DGKB: variants seen among roughly 807,000 people sequenced by gnomAD.
The protein encoded by DGKB is diacylglycerol kinase beta.
A neutral mutation model predicts 114.3 loss-of-function variants in DGKB; 67 were observed. That is an observed-to-expected ratio of 0.59 (90% CI 0.48 to 0.72). DGKB has a LOEUF of 0.72. DGKB is among the 30% of genes least tolerant of loss of function. The pLI, the probability that DGKB is intolerant of heterozygous loss-of-function variation, is 0.00. For synonymous variants in DGKB, 398 were observed against 323.1 expected (o/e 1.23, Z -2.49); for missense variants, 907 against 975.2 (o/e 0.93, Z 0.93).
intron 21 of DGKB, among the ~76,000 whole-genome samples, chr7:14,457,181 A>G (rs1490394580): frequency 1.3e-5 from 2 of 151,550 alleles, no homozygotes; most frequent in East Asian, 1.9e-4. Flanking sequence ...TTAAAATAAT[A>G]TGATATCATA....
At chr7:14,874,394 T>C (rs1034827277) in intron 1 of DGKB, among the ~76,000 whole-genome samples, 6 of 152,070 alleles carry the variant, frequency 3.9e-5, no homozygotes, top group Non-Finnish European at 8.8e-5. Flanking sequence ...CATTTCAGAT[T>C]AATCCACTAA....
At chr7:14,652,398 G>T (rs914979683) in intron 13 of DGKB, among the ~76,000 whole-genome samples, 7 of 151,588 alleles carry the variant, frequency 4.6e-5, no homozygotes, top group African/African-American at 7.2e-5. Flanking sequence ...AAGCAATGGG[G>T]AAAGGATTCC....
intron 2 of DGKB, among the ~76,000 whole-genome samples, chr7:14,803,166 T>A (rs1051959114): frequency 3.3e-5 from 5 of 152,076 alleles, no homozygotes; most frequent in Admixed American, 6.6e-5. Flanking sequence ...GGTCTTGAAC[T>A]CCTGGCCTCA....
At chr7:14,472,497 G>A (rs367963070) in intron 21 of DGKB, among the ~76,000 whole-genome samples, 1 of 152,078 alleles carries the variant, frequency 6.6e-6, no homozygotes, top group Non-Finnish European at 1.5e-5. Context: ...TCTAATTAAT[G>A]TCTATCAGCA....
intron 23 of DGKB, among the ~76,000 whole-genome samples, chr7:14,325,877 T>C (rs553045675): frequency 1.8e-4 from 28 of 152,304 alleles, no homozygotes; most frequent in African/African-American, 6.5e-4. Context: ...TCAAATATTC[T>C]AGATGGGTAG....
intron 13 of DGKB, among the ~76,000 whole-genome samples, chr7:14,666,764 C>G (rs919303665): frequency 1.3e-5 from 2 of 151,564 alleles, no homozygotes; most frequent in East Asian, 1.9e-4. Context: ...TAATTGTTAC[C>G]AGAACATTTT....
At chr7:14,332,082 C>T (rs1190004243) in intron 23 of DGKB, among the ~76,000 whole-genome samples, 1 of 150,432 alleles carries the variant, frequency 6.6e-6, no homozygotes, top group Non-Finnish European at 1.5e-5. Context: ...GGCTACTTAT[C>T]TGAGTTTGTT....
intron 20 of DGKB, among the ~76,000 whole-genome samples, chr7:14,549,848 C>A (rs964240209): frequency 6.6e-6 from 1 of 151,938 alleles, no homozygotes; most frequent in Non-Finnish European, 1.5e-5. Context: ...ATTAGCTGGG[C>A]GTGGTGGCGT....
chr7:14,434,613 G>A (rs1828971746), intron 21 of DGKB, among the ~76,000 whole-genome samples: 1 of 152,162 alleles, frequency 6.6e-6, no homozygotes, highest in South Asian at 2.1e-4. Context: ...CTTGTTCAGT[G>A]AGACCTGTGT....
At chr7:14,929,315 T>A (rs2128250185) in intron 1 of DGKB, among the ~76,000 whole-genome samples, 1 of 152,236 alleles carries the variant, frequency 6.6e-6, no homozygotes, top group East Asian at 1.9e-4. Flanking sequence ...CCACACTGTT[T>A]TCATAGAGGT....
At chr7:14,225,217 C>A (rs1480888969) in intron 23 of DGKB, among the ~76,000 whole-genome samples, 3 of 152,002 alleles carry the variant, frequency 2.0e-5, no homozygotes, top group African/African-American at 7.2e-5. Context: ...CTGTTTCTTC[C>A]CTTCGCAAAA....
intron 1 of DGKB, among the ~76,000 whole-genome samples, chr7:14,850,378 A>C (rs1042759181): frequency 5.3e-5 from 8 of 152,144 alleles, no homozygotes; most frequent in Non-Finnish European, 8.8e-5. Context: ...ATCGATTTTA[A>C]AGTTAATGAG....
At chr7:14,550,283 GACTT>G (rs79190069) in intron 20 of DGKB, among the ~76,000 whole-genome samples, 5,636 of 152,006 alleles carry the variant, frequency 0.037, 194 homozygotes, top group East Asian at 0.2. Flanking sequence ...AGTTTAGTGT[GACTT>G]ACTTAATAAA....
In DGKB at chr7:14,237,294, A is replaced by C. The variant is rs570936806; in HGVS notation, c.2123-59143T>G. On this transcript the variant is annotated intron_variant, in intron 23 of 25. Coordinates refer to ENST00000402815, the MANE Select transcript of DGKB (RefSeq NM_001350709.2). The stretch of plus-strand genomic sequence containing the variant: ...AACATGGGCTATAAATGGTATGCTC[A>C]ATGTATTCATGTTTCATTCTTCCCT... 3.9e-5 allele frequency among the ~76,000 whole-genome samples: 6 copies of C among 152,056 alleles called. No individual in the cohort carries two copies. The South Asian group carries it at 1.2e-3, about 32-fold the overall frequency.
At chr7:14,687,679 G>C (rs1821958535) in intron 9 of DGKB, among the ~76,000 whole-genome samples, 1 of 152,080 alleles carries the variant, frequency 6.6e-6, no homozygotes, top group African/African-American at 2.4e-5. Flanking sequence ...GTAGCTAAGT[G>C]CTTAAAAACA....
chr7:14,746,102 G>A (rs1424089139), intron 4 of DGKB, among the ~76,000 whole-genome samples: 1 of 152,120 alleles, frequency 6.6e-6, no homozygotes, highest in Non-Finnish European at 1.5e-5. Flanking sequence ...ACTTTGGGAG[G>A]CTGAGGCAGG....
intron 23 of DGKB, among the ~76,000 whole-genome samples, chr7:14,295,004 G>GGTATTAGCCTGGCTAATAATA (rs1802315612): frequency 6.6e-6 from 1 of 152,104 alleles, no homozygotes; most frequent in African/African-American, 2.4e-5. Context: ...AATTGAGGAA[G>GGTATTAGCCTGGCTAATAATA]GGCATCCATC....
intron 20 of DGKB, among the ~76,000 whole-genome samples, chr7:14,481,096 C>G (rs1047979500): frequency 1.1e-4 from 17 of 151,780 alleles, no homozygotes; most frequent in African/African-American, 3.9e-4. Context: ...GTTATTCAAA[C>G]AGTAAAAATG....
intron 21 of DGKB, among the ~76,000 whole-genome samples, chr7:14,367,934 G>A (rs184503984): frequency 2.6e-5 from 4 of 152,164 alleles, no homozygotes; most frequent in Admixed American, 1.3e-4. Flanking sequence ...TACTTGATAC[G>A]TGGGGATTAT....
Sources: gnomAD v4.1 joint callset for allele counts (sites outside exome capture counted in the v4.1 genomes callset) on GRCh38, gnomAD v4.1.1 for gene constraint, MANE v1.5 for transcripts, NCBI Gene and HGNC (gene_info 2026-07-23, HGNC 2026-07-21) for gene names.